COL15A1: variants seen among roughly 807,000 people sequenced by gnomAD.
The protein encoded by COL15A1 is collagen alpha-1(XV) chain.
A neutral mutation model predicts 165.9 loss-of-function variants in COL15A1; 111 were observed. That is an observed-to-expected ratio of 0.67 (90% CI 0.57 to 0.78). COL15A1 has a LOEUF of 0.78. COL15A1 is among the 30% of genes least tolerant of loss of function. COL15A1 has a pLI of 0.00. For synonymous variants in COL15A1, 659 were observed against 674.8 expected (o/e 0.98, Z 0.36); for missense variants, 1,745 against 1,789.7 (o/e 0.98, Z 0.45).
intron 30 of COL15A1, 118 bp downstream of exon 30, chr9:99,050,013 G>A: frequency 7.2e-7 from 1 of 1,398,450 alleles, no homozygotes; most frequent in Middle Eastern, 1.8e-4. Context: ...GATGTCTTCT[G>A]TCCCCTAAGT....
At chr9:99,040,151 C>T (rs151316816) in intron 22 of COL15A1, among the ~76,000 whole-genome samples, 2 of 152,258 alleles carry the variant, frequency 1.3e-5, no homozygotes, top group African/African-American at 4.8e-5. Flanking sequence ...AAGTTTCTTC[C>T]CAAGGGGTCT....
At chr9:99,041,000 G>A (rs372199189) in intron 23 of COL15A1, 28 of 174,652 alleles carry the variant, frequency 1.6e-4, no homozygotes, top group African/African-American at 5.7e-4. Flanking sequence ...CTCCAGCCCC[G>A]GCTTGGCTGC....
Position 99,069,795 on chromosome 9 carries a change from G to A in COL15A1, c.4076G>A (p.Gly1359Glu). 1.2e-6 allele frequency: 2 copies of A among 1,614,196 alleles called. No individual in the cohort carries two copies. The highest frequency in any genetic ancestry group is 1.7e-6 in the Non-Finnish European group (2 of 1,180,032). The change falls in exon 42 of 42, where the codon GGG (glycine) becomes GAG (glutamate). Residue 1359 changes from glycine (G) to glutamate (E), a missense_variant. Gly to Glu is a moderately conservative substitution (Grantham distance 98). Coordinates refer to ENST00000375001, the MANE Select transcript of COL15A1 (RefSeq NM_001855.5). Reference protein sequence around the residue: ...VTGLASPLSTGKILDQKAYSC... With the variant: ...VTGLASPLSTEKILDQKAYSC... ...GGACTTGCCTCCCCGCTGAGCACGG[G>A]GAAGATTCTGGACCAGAAAGCATAC... is the stretch of plus-strand genomic sequence containing the variant.
At chr9:99,034,906 C>A in intron 17 of COL15A1, 108 bp from the exon 18 acceptor site, 1 of 1,040,980 alleles carries the variant, frequency 9.6e-7, no homozygotes, top group Non-Finnish European at 1.5e-6. Context: ...TCAGAGAATT[C>A]ATCAACCTAA....
intron 23 of COL15A1, chr9:99,040,874 A>G (rs977513240): frequency 1.5e-5 from 5 of 332,204 alleles, no homozygotes; most frequent in Admixed American, 8.0e-5. Flanking sequence ...TAACACTAAA[A>G]ATAGTGCTAA....
intron 35 of COL15A1, 146 bp from the exon 36 acceptor site, chr9:99,059,743 C>T (rs1825779479): frequency 2.5e-6 from 2 of 786,888 alleles, no homozygotes; most frequent in Non-Finnish European, 4.1e-6. Flanking sequence ...GCTGGGGGCA[C>T]AGCACCCAAG....
At chr9:99,008,928 G>T (rs535692932) in intron 9 of COL15A1, among the ~76,000 whole-genome samples, 1 of 152,250 alleles carries the variant, frequency 6.6e-6, no homozygotes, top group East Asian at 1.9e-4. Flanking sequence ...GTTAAAAGCT[G>T]TAAATAGCTC....
At chr9:99,064,976 T>A (rs1386125107) in intron 39 of COL15A1, among the ~76,000 whole-genome samples, 2 of 152,244 alleles carry the variant, frequency 1.3e-5, no homozygotes, top group Non-Finnish European at 2.9e-5. Context: ...GTAACACACC[T>A]ACAATTTTAT....
At chr9:99,037,075 A>G (rs1298698999) in intron 21 of COL15A1, among the ~76,000 whole-genome samples, 1 of 152,218 alleles carries the variant, frequency 6.6e-6, no homozygotes, top group Non-Finnish European at 1.5e-5. Flanking sequence ...TTAAAACTAA[A>G]ACTAAAAATA....
At chr9:99,030,218 C>T (rs1167974079) in intron 16 of COL15A1, among the ~76,000 whole-genome samples, 1 of 152,206 alleles carries the variant, frequency 6.6e-6, no homozygotes, top group Non-Finnish European at 1.5e-5. Context: ...TTACCTCATT[C>T]CTTTGCAATG....
chr9:99,038,661 T>C lies in COL15A1; in HGVS notation c.2410-7T>C, dbSNP rs1331756041. ...TTGTCCTCATTGTCTGATTTTTCTC[T>C]TTTCAGTCCTTGATCAATATCACCC... On this transcript the variant is annotated splice_region_variant and splice_polypyrimidine_tract_variant and intron_variant, in intron 21 of 41. Transcript: ENST00000375001. 1 of 1,581,932 alleles carries C rather than the reference T, an allele frequency of 6.3e-7. No individual in the cohort carries two copies. The highest frequency in any genetic ancestry group is 2.2e-5 in the East Asian group (1 of 44,754).
chr9:99,043,458 C>T (rs953770423), intron 24 of COL15A1, among the ~76,000 whole-genome samples: 1 of 152,092 alleles, frequency 6.6e-6, no homozygotes, highest in Non-Finnish European at 1.5e-5. Flanking sequence ...ACATCCCCGC[C>T]CTAACCTCCT....
intron 31 of COL15A1, 112 bp downstream of exon 31, chr9:99,052,545 A>G (rs1839608121): frequency 3.4e-6 from 3 of 874,814 alleles, no homozygotes; most frequent in Admixed American, 1.7e-5. Flanking sequence ...GTCTAACTGG[A>G]TGCTGTAGGG....
At chr9:99,014,247 T>C (rs1203793912) in intron 9 of COL15A1, among the ~76,000 whole-genome samples, 1 of 152,202 alleles carries the variant, frequency 6.6e-6, no homozygotes, top group African/African-American at 2.4e-5. Context: ...AGATAGGTCT[T>C]AGGCAGAAGA....
At chr9:98,944,386 G>C (rs1837541579) in intron 2 of COL15A1, 136 bp downstream of exon 2, 1 of 879,054 alleles carries the variant, frequency 1.1e-6, no homozygotes, top group Non-Finnish European at 1.8e-6. Flanking sequence ...GTGCGCACTG[G>C]CGGTCCCGCG....
chr9:98,975,145 G>A (rs962400326), intron 2 of COL15A1, among the ~76,000 whole-genome samples: 1 of 152,222 alleles, frequency 6.6e-6, no homozygotes, highest in South Asian at 2.1e-4. Flanking sequence ...TCGCGCCTCC[G>A]TCCGGACATA....
intron 9 of COL15A1, among the ~76,000 whole-genome samples, chr9:99,009,370 C>T (rs538176503): frequency 3.9e-5 from 6 of 152,340 alleles, no homozygotes; most frequent in African/African-American, 9.6e-5. Flanking sequence ...CAACTCTGAG[C>T]ACATACTAAT....
chr9:99,052,524 T>C lies in COL15A1; in HGVS notation c.2950+91T>C, dbSNP rs1442775645. ...TGCCCAGTGCAGGGCGCAGACTAGG[T>C]GGTCAGGAAGGTCTAACTGGATGCT... On this transcript the variant is annotated intron_variant, in intron 31 of 41. Transcript: ENST00000375001. 4.6e-6 allele frequency: 5 copies of C among 1,078,622 alleles called. No homozygotes were observed. The Admixed American group carries it at 5.1e-5, about 11-fold the overall frequency. 66.8% of individuals were successfully genotyped at this position (1,078,622 alleles called of 1,614,324 possible).
At chr9:98,957,268 A>G (rs75935218) in intron 2 of COL15A1, among the ~76,000 whole-genome samples, 156 of 152,362 alleles carry the variant, frequency 1.0e-3, no homozygotes, top group African/African-American at 3.6e-3. Context: ...AAGGGGCCAC[A>G]AGCCAAGGAA....
Sources: gnomAD v4.1 joint callset for allele counts (sites outside exome capture counted in the v4.1 genomes callset) on GRCh38, gnomAD v4.1.1 for gene constraint, MANE v1.5 for transcripts, NCBI Gene and HGNC (gene_info 2026-07-23, HGNC 2026-07-21) for gene names.